PRKCA: variants seen among roughly 807,000 people sequenced by gnomAD.
PRKCA encodes the protein protein kinase C alpha type.
A neutral mutation model predicts 87.0 loss-of-function variants in PRKCA; 27 were observed. The observed-to-expected ratio is 0.31, with a 90% CI of 0.23 to 0.43. PRKCA has a LOEUF of 0.43. PRKCA is among the 20% of genes least tolerant of loss of function. The pLI is 1.00. For synonymous variants in PRKCA, 329 were observed against 311.1 expected, an observed-to-expected ratio of 1.06 and a Z score of -0.61; for missense variants, 518 against 852.3, an observed-to-expected ratio of 0.61 and a Z score of 4.88.
chr17:66,336,863 A>T (rs915691026), intron 2 of PRKCA, among the ~76,000 whole-genome samples: 4 of 150,368 alleles, frequency 2.7e-5, no homozygotes, highest in African/African-American at 4.9e-5. Flanking sequence ...ATCTCGGCTT[A>T]CTGCAACCTC....
intron 2 of PRKCA, among the ~76,000 whole-genome samples, chr17:66,312,521 G>C (rs1461845339): frequency 6.6e-6 from 1 of 152,102 alleles, no homozygotes; most frequent in Admixed American, 6.6e-5. Context: ...TCTCCTGCCT[G>C]ACCTCTTCAG....
At chr17:66,579,064 C>T (rs75809435) in intron 3 of PRKCA, among the ~76,000 whole-genome samples, 11 of 152,134 alleles carry the variant, frequency 7.2e-5, no homozygotes, top group African/African-American at 1.9e-4. Context: ...GCTTTCTGCT[C>T]GGAGCATGTG....
rs567195009 is a variant in PRKCA at position 66,605,670 on chromosome 17, A to G, written c.289-35685A>G. On this transcript the variant is annotated intron_variant, in intron 3 of 16. Transcript: ENST00000413366. ...GAAGGGTCATAGCAGCATCATTCAT[A>G]GTAGCCAAATGTCCATCAGCTGATG... Among the ~76,000 whole-genome samples the G allele has an allele frequency of 9.5e-4, 145 of 152,370 alleles. 1 individual carries two copies. Among genetic ancestry groups the G allele is most frequent in the African/African-American group, 3.5e-3 (145 of 41,592 alleles).
At chr17:66,743,059 G>A (rs1454571243) in intron 13 of PRKCA, among the ~76,000 whole-genome samples, 1 of 152,186 alleles carries the variant, frequency 6.6e-6, no homozygotes, top group African/African-American at 2.4e-5. Flanking sequence ...GGCTGGGCGC[G>A]GTGGCTCACG....
chr17:66,366,212 T>TA (rs1908711722), intron 2 of PRKCA, among the ~76,000 whole-genome samples: 1 of 152,136 alleles, frequency 6.6e-6, no homozygotes, highest in African/African-American at 2.4e-5. Flanking sequence ...TTTTTATGTG[T>TA]TTTATTCATG....
At chr17:66,664,430 A>T (rs1971988650) in intron 5 of PRKCA, among the ~76,000 whole-genome samples, 1 of 152,144 alleles carries the variant, frequency 6.6e-6, no homozygotes, top group African/African-American at 2.4e-5. Context: ...GGAATCATCA[A>T]GAACAAGAGA....
chr17:66,753,534 C>G (rs916529006), intron 13 of PRKCA, among the ~76,000 whole-genome samples: 1 of 152,126 alleles, frequency 6.6e-6, no homozygotes, highest in Non-Finnish European at 1.5e-5. Flanking sequence ...TCTCAGGGGT[C>G]CATGAATTCT....
intron 13 of PRKCA, among the ~76,000 whole-genome samples, chr17:66,756,394 G>A (rs61687889): frequency 0.28 from 41,842 of 151,664 alleles, 6,069 homozygotes; most frequent in East Asian, 0.51. Context: ...CAATCCACAG[G>A]CACAGGCTCC....
chr17:66,371,383 C>A (rs966138214), intron 2 of PRKCA, among the ~76,000 whole-genome samples: 1 of 152,114 alleles, frequency 6.6e-6, no homozygotes, highest in African/African-American at 2.4e-5. Context: ...AAGTTCAGAT[C>A]CACATATAAG....
chr17:66,546,149 T>G (rs186594021), intron 3 of PRKCA, among the ~76,000 whole-genome samples: 1 of 152,376 alleles, frequency 6.6e-6, no homozygotes, highest in African/African-American at 2.4e-5. Flanking sequence ...ACCATTTATA[T>G]GTAATGGAAT....
intron 3 of PRKCA, among the ~76,000 whole-genome samples, chr17:66,575,611 C>T (rs1969216774): frequency 6.6e-6 from 1 of 152,026 alleles, no homozygotes; most frequent in African/African-American, 2.4e-5. Flanking sequence ...CTGGAATTTT[C>T]CTTTTAATAT....
chr17:66,778,017 C>T (rs774112900), intron 14 of PRKCA: 1 of 985,258 alleles, frequency 1.0e-6, no homozygotes, highest in African/African-American at 1.7e-5. Context: ...GGCCTCAGAC[C>T]TCATTTGCAA....
intron 8 of PRKCA, among the ~76,000 whole-genome samples, chr17:66,719,653 G>A (rs1250771234): frequency 6.6e-6 from 1 of 152,224 alleles, no homozygotes; most frequent in Non-Finnish European, 1.5e-5. Flanking sequence ...TGTAATCCCA[G>A]CTACTCAGGA....
chr17:66,495,325 TC>T (rs1843959551), intron 2 of PRKCA, among the ~76,000 whole-genome samples: 1 of 152,160 alleles, frequency 6.6e-6, no homozygotes, highest in African/African-American at 2.4e-5. Flanking sequence ...TTGATTCATT[TC>T]AAAGGTCTGT....
rs535557553 is a variant in PRKCA, at chr17:66,653,727, G to A, written c.529+8216G>A. 8.1e-5 allele frequency among the ~76,000 whole-genome samples: 12 copies of A among 149,000 alleles called. No individual in the cohort carries two copies. The South Asian group carries it at 1.5e-3, about 19-fold the overall frequency. On this transcript the variant is annotated intron_variant, in intron 5 of 16. Coordinates refer to ENST00000413366, the MANE Select transcript of PRKCA (RefSeq NM_002737.3). ...CCTCCCCTTGGATACCACTCTCCTCGATCTGGGGGTTCCATGCCTACTTTA... is the reference window on the plus strand; with the variant it reads ...CCTCCCCTTGGATACCACTCTCCTCAATCTGGGGGTTCCATGCCTACTTTA...
intron 2 of PRKCA, among the ~76,000 whole-genome samples, chr17:66,478,356 G>A (rs1915623958): frequency 6.6e-6 from 1 of 152,198 alleles, no homozygotes; most frequent in Admixed American, 6.5e-5. Context: ...CTGGGTTCAA[G>A]TGATTCTCCT....
chr17:66,573,330 T>C (rs950055405), intron 3 of PRKCA, among the ~76,000 whole-genome samples: 2 of 152,178 alleles, frequency 1.3e-5, no homozygotes, highest in African/African-American at 4.8e-5. Context: ...CTAGCTTGCC[T>C]AGCACGCTAT....
chr17:66,787,003 C>T lies in PRKCA; in HGVS notation c.1713+29C>T, dbSNP rs751369756. On this transcript the variant is annotated intron_variant, in intron 15 of 16. Coordinates refer to ENST00000413366, the MANE Select transcript of PRKCA (RefSeq NM_002737.3). ...AGTCGATTTGGATACCTTTTGTGAT[C>T]ATGGACCAAGAGCTTTGGTAGGAGA... is the stretch of plus-strand genomic sequence containing the variant. The T allele has an allele frequency of 2.9e-5, 43 of 1,465,574 alleles. No homozygotes were observed. The Admixed American group carries it at 5.0e-4, about 17-fold the overall frequency. 90.8% of individuals were successfully genotyped at this position (1,465,574 alleles called of 1,614,324 possible). A position where few individuals can be genotyped will look rare whatever the true frequency, so the allele number is the denominator to read the frequency against.
chr17:66,479,480 T>C (rs183576499), intron 2 of PRKCA, among the ~76,000 whole-genome samples: 14 of 152,298 alleles, frequency 9.2e-5, no homozygotes, highest in Admixed American at 3.3e-4. Context: ...GAACTGCCAT[T>C]TGACCCAGCA....
Sources: allele counts gnomAD v4.1 joint callset (sites outside exome capture counted in the v4.1 genomes callset), GRCh38; gene constraint gnomAD v4.1.1; transcripts MANE v1.5; gene names NCBI Gene and HGNC (gene_info 2026-07-23, HGNC 2026-07-21).